HMGCLL1: variants seen among roughly 807,000 people sequenced by gnomAD.
HMGCLL1 encodes the protein 3-hydroxymethyl-3-methylglutaryl-CoA lyase, cytoplasmic.
A neutral mutation model predicts 39.1 loss-of-function variants in HMGCLL1; 36 were observed. That is an observed-to-expected ratio of 0.92 (90% CI 0.71 to 1.22). The LOEUF (loss-of-function observed/expected upper bound fraction) is 1.22, where lower values mean the gene tolerates loss of function less well. Among genes scored for constraint, HMGCLL1 ranks in the 50% most tolerant of loss-of-function variants. The pLI is 0.00. For missense variants in HMGCLL1, 451 were observed against 416.5 expected (o/e 1.08, Z -0.72); for synonymous variants, 149 against 144.0 (o/e 1.03, Z -0.25).
At chr6:55,496,748 T>C (rs148574984) in intron 6 of HMGCLL1, among the ~76,000 whole-genome samples, 2,192 of 152,248 alleles carry the variant, frequency 0.014, 30 homozygotes, top group Non-Finnish European at 0.024. Flanking sequence ...TCAATACGCA[T>C]CATAGATTGA....
intron 7 of HMGCLL1, among the ~76,000 whole-genome samples, chr6:55,475,286 T>C (rs1286376376): frequency 1.3e-5 from 2 of 151,636 alleles, no homozygotes; most frequent in Non-Finnish European, 3.0e-5. Flanking sequence ...GAAAAAGGTC[T>C]TTCTCAAATT....
intron 1 of HMGCLL1, among the ~76,000 whole-genome samples, chr6:55,561,722 C>A (rs1049065116): frequency 2.6e-5 from 4 of 152,144 alleles, no homozygotes; most frequent in Admixed American, 2.0e-4. Context: ...TAATGCAGCA[C>A]ATATAAAAAT....
intron 7 of HMGCLL1, among the ~76,000 whole-genome samples, chr6:55,453,020 G>T (rs1191329305): frequency 2.6e-5 from 4 of 152,152 alleles, no homozygotes; most frequent in Admixed American, 6.5e-5. Context: ...TGTTGTTATA[G>T]TTTGCCTCTG....
At chr6:55,664,870 T>C in the HMGCLL1 span, among the ~76,000 whole-genome samples, 1 of 151,654 alleles carries the variant, frequency 6.6e-6, no homozygotes, top group Non-Finnish European at 1.5e-5. Flanking sequence ...CCTCACTACA[T>C]GGCAGCTGGC....
At chr6:55,678,782 G>A in the HMGCLL1 span, among the ~76,000 whole-genome samples, 1 of 152,182 alleles carries the variant, frequency 6.6e-6, no homozygotes, top group Non-Finnish European at 1.5e-5. Context: ...TTTTTAACCA[G>A]TTAGAAAACA....
At chr6:55,601,274 T>C in the HMGCLL1 span, among the ~76,000 whole-genome samples, 1 of 152,126 alleles carries the variant, frequency 6.6e-6, no homozygotes, top group Non-Finnish European at 1.5e-5. Context: ...AGTCAGTCAC[T>C]AAAGGTAAGG....
At chr6:55,579,936 A>C (rs4476830), upstream of HMGCLL1, among the ~76,000 whole-genome samples, 78,894 of 152,032 alleles carry the variant, frequency 0.52, 20,887 homozygotes, top group African/African-American at 0.62. Flanking sequence ...TTCACATGTA[A>C]ACTTACGTGT....
intron 7 of HMGCLL1, among the ~76,000 whole-genome samples, chr6:55,446,592 C>A (rs2127385464): frequency 6.6e-6 from 1 of 151,936 alleles, no homozygotes; most frequent in East Asian, 1.9e-4. Flanking sequence ...ATAAACATAT[C>A]ATGTCTGTAT....
intron 5 of HMGCLL1, among the ~76,000 whole-genome samples, chr6:55,504,123 T>G (rs899000277): frequency 6.6e-6 from 1 of 151,736 alleles, no homozygotes; most frequent in Non-Finnish European, 1.5e-5. Context: ...TCTACCTTTC[T>G]TTTACTATAT....
At chr6:55,661,651 C>A in the HMGCLL1 span, among the ~76,000 whole-genome samples, 1 of 151,982 alleles carries the variant, frequency 6.6e-6, no homozygotes, top group East Asian at 1.9e-4. Context: ...AGTGTGATGC[C>A]TCCAGCCTTA....
At chr6:55,444,112 A>G (rs1039424135) in intron 7 of HMGCLL1, among the ~76,000 whole-genome samples, 3 of 152,114 alleles carry the variant, frequency 2.0e-5, no homozygotes, top group African/African-American at 4.8e-5. Flanking sequence ...CCATATATAC[A>G]TTATAGTTCA....
At chr6:55,556,468 A>G (rs1157921895) in intron 1 of HMGCLL1, among the ~76,000 whole-genome samples, 2 of 152,200 alleles carry the variant, frequency 1.3e-5, no homozygotes, top group Non-Finnish European at 2.9e-5. Context: ...TAACTGTTCT[A>G]GCAAGAACCA....
At chr6:55,566,193 C>T (rs1771203424) in intron 1 of HMGCLL1, among the ~76,000 whole-genome samples, 1 of 152,022 alleles carries the variant, frequency 6.6e-6, no homozygotes, top group African/African-American at 2.4e-5. Context: ...AAAGTGGTGG[C>T]AGAGAGCCAC....
chr6:55,478,038 A>G (rs1442870071), intron 7 of HMGCLL1, among the ~76,000 whole-genome samples: 1 of 149,242 alleles, frequency 6.7e-6, no homozygotes, highest in African/African-American at 2.5e-5. Flanking sequence ...TCTGGGCTTG[A>G]TGTTTTTATT....
At chr6:55,445,322 A>G (rs1763772138) in intron 7 of HMGCLL1, among the ~76,000 whole-genome samples, 1 of 151,992 alleles carries the variant, frequency 6.6e-6, no homozygotes, top group Non-Finnish European at 1.5e-5. Context: ...ATCTTCTAAG[A>G]AAATTTTATT....
At chr6:55,658,144 T>G in the HMGCLL1 span, among the ~76,000 whole-genome samples, 1 of 151,898 alleles carries the variant, frequency 6.6e-6, no homozygotes, top group Non-Finnish European at 1.5e-5. Flanking sequence ...TTTACTGAGC[T>G]GAGGACAAAA....
In HMGCLL1 at chr6:55,492,335, TCTC is replaced by T. The variant is rs1327344781; in HGVS notation, c.795+3081_795+3083del. On this transcript the variant is annotated intron_variant, in intron 7 of 8. Coordinates refer to ENST00000274901, the MANE Select transcript of HMGCLL1 (RefSeq NM_001042406.2). Reference sequence around the variant, plus strand: ...AGTTTTCTTCAATATATTTTCTTCTTCTCCTCTAAAGTTAAACCTGCTTATTGT... The same window carrying T: ...AGTTTTCTTCAATATATTTTCTTCTTCTCTAAAGTTAAACCTGCTTATTGT... Among the ~76,000 whole-genome samples, 21 of 152,284 alleles carry T rather than the reference TCTC, an allele frequency of 1.4e-4. No homozygotes were observed. The East Asian group carries it at 4.1e-3, about 29-fold the overall frequency.
chr6:55,540,445 C>T (rs1769359633), intron 3 of HMGCLL1, among the ~76,000 whole-genome samples: 1 of 152,036 alleles, frequency 6.6e-6, no homozygotes, highest in African/African-American at 2.4e-5. Flanking sequence ...TAAGGAGAGA[C>T]ATGAGTGTGC....
At chr6:55,495,070 G>A (rs767913153) in intron 7 of HMGCLL1, among the ~76,000 whole-genome samples, 2 of 152,152 alleles carry the variant, frequency 1.3e-5, no homozygotes, top group Non-Finnish European at 2.9e-5. Context: ...CTATTTTTGT[G>A]TTTTGCACTG....
Sources: allele counts gnomAD v4.1 joint callset (sites outside exome capture counted in the v4.1 genomes callset), GRCh38; gene constraint gnomAD v4.1.1; transcripts MANE v1.5; gene names NCBI Gene and HGNC (gene_info 2026-07-23, HGNC 2026-07-21).